The following FER variants were observed in gnomAD, a reference collection of about 807,000 sequenced individuals.
The protein encoded by FER is tyrosine-protein kinase Fer.
FER carries 63 observed loss-of-function variants against 111.0 expected under a neutral mutation model. The ratio of observed to expected loss-of-function variants is 0.57; its 90% CI spans 0.46 to 0.70. The LOEUF (loss-of-function observed/expected upper bound fraction) is 0.70, where lower values mean the gene tolerates loss of function less well. FER is among the 30% of genes least tolerant of loss of function. FER has a pLI of 0.00. For synonymous variants in FER, 327 were observed against 313.9 expected, an observed-to-expected ratio of 1.04 and a Z score of -0.44; for missense variants, 914 against 954.0, an observed-to-expected ratio of 0.96 and a Z score of 0.55.
At chr5:109,010,626 C>A (rs1561768061) in intron 13 of FER, among the ~76,000 whole-genome samples, 1 of 152,150 alleles carries the variant, frequency 6.6e-6, no homozygotes, top group African/African-American at 2.4e-5. Context: ...CACCCCACAT[C>A]TTCTCTTCCC....
At chr5:108,897,598 A>C in intron 9 of FER, 61 bp from the exon 10 acceptor site, 1 of 1,205,696 alleles carries the variant, frequency 8.3e-7, no homozygotes, top group East Asian at 2.8e-5. Flanking sequence ...ATTTACATAT[A>C]TGAGGTTTCC....
Position 108,997,683 on chromosome 5 carries a change from C to T in FER, c.1656+38336C>T, listed in dbSNP as rs375959035. On this transcript the variant is annotated intron_variant, in intron 13 of 19. Coordinates refer to ENST00000281092, the MANE Select transcript of FER (RefSeq NM_005246.4). Reference sequence around the variant, plus strand: ...GTGCTGGGAGATCCGCTGCTCTCTTCAGAGCCATCAGGCAGGGACGGTTAT... The same window carrying T: ...GTGCTGGGAGATCCGCTGCTCTCTTTAGAGCCATCAGGCAGGGACGGTTAT... Among the ~76,000 whole-genome samples the T allele has an allele frequency of 1.8e-4, 27 of 152,274 alleles. No homozygotes were observed. The South Asian group carries it at 5.6e-3, about 32-fold the overall frequency.
intron 5 of FER, among the ~76,000 whole-genome samples, chr5:108,851,417 C>T (rs982297049): frequency 6.6e-6 from 1 of 152,116 alleles, no homozygotes; most frequent in Non-Finnish European, 1.5e-5. Context: ...AGTTACCTCC[C>T]ACTGGGTCCC....
intron 17 of FER, among the ~76,000 whole-genome samples, chr5:109,165,184 A>G (rs1300221113): frequency 3.3e-5 from 5 of 152,170 alleles, no homozygotes; most frequent in African/African-American, 1.2e-4. Flanking sequence ...GAATGAATAA[A>G]TTGTTTATGG....
chr5:109,033,199 A>T (rs56083128), intron 13 of FER, among the ~76,000 whole-genome samples: 9,735 of 152,258 alleles, frequency 0.064, 407 homozygotes, highest in South Asian at 0.12. Flanking sequence ...AGAGACTAAG[A>T]GGCAGTCTGC....
chr5:109,122,988 A>G (rs1300618235), intron 17 of FER, among the ~76,000 whole-genome samples: 2 of 152,000 alleles, frequency 1.3e-5, no homozygotes, highest in African/African-American at 4.8e-5. Context: ...TGTAGGCAAT[A>G]GATCATTGGG....
chr5:108,910,436 C>G (rs1221097530), intron 10 of FER, among the ~76,000 whole-genome samples: 2 of 152,052 alleles, frequency 1.3e-5, no homozygotes, highest in Non-Finnish European at 2.9e-5. Flanking sequence ...CATAATTTCC[C>G]TATTCTTTGG....
chr5:108,811,630 G>GAT (rs200734652), intron 3 of FER, among the ~76,000 whole-genome samples: 1,756 of 151,922 alleles, frequency 0.012, 19 homozygotes, highest in Non-Finnish European at 0.017. Flanking sequence ...ACCAATAGGA[G>GAT]ATATATATAT....
chr5:109,142,894 C>T (rs1033914777), intron 17 of FER, among the ~76,000 whole-genome samples: 1 of 152,004 alleles, frequency 6.6e-6, no homozygotes, highest in African/African-American at 2.4e-5. Context: ...AGCTAGTAGA[C>T]GATACTGAGG....
At chr5:109,049,497 C>G (rs1772448830) in intron 16 of FER, among the ~76,000 whole-genome samples, 1 of 152,154 alleles carries the variant, frequency 6.6e-6, no homozygotes, top group African/African-American at 2.4e-5. Flanking sequence ...CAGCACGGGC[C>G]TGCTAAATCC....
At chr5:109,113,107 GA>G (rs1277815237) in intron 17 of FER, among the ~76,000 whole-genome samples, 50 of 152,138 alleles carry the variant, frequency 3.3e-4, no homozygotes, top group Admixed American at 3.3e-3. Flanking sequence ...CATCACTGCT[GA>G]AACTAGAACC....
At chr5:108,924,055 T>A (rs955507832) in intron 10 of FER, among the ~76,000 whole-genome samples, 1 of 147,950 alleles carries the variant, frequency 6.8e-6, no homozygotes. Context: ...ATTTTATTTA[T>A]CTAATTTAAA....
chr5:109,080,270 T>C (rs762081474), intron 16 of FER, among the ~76,000 whole-genome samples: 13 of 152,104 alleles, frequency 8.5e-5, no homozygotes, highest in Non-Finnish European at 1.9e-4. Flanking sequence ...ATGAAACAAT[T>C]TTAATTGCTT....
chr5:108,926,239 ATT>A lies in FER; in HGVS notation c.1237-19885_1237-19884del, dbSNP rs149303798. On this transcript the variant is annotated intron_variant, in intron 10 of 19. Coordinates refer to ENST00000281092, the MANE Select transcript of FER (RefSeq NM_005246.4). ...ATCCTTCTTTAATATTTTTCTATGTATTTTTTTATACATACCATCGTTGTCTT... is the reference window on the plus strand; with the variant it reads ...ATCCTTCTTTAATATTTTTCTATGTATTTTTATACATACCATCGTTGTCTT... Among the ~76,000 whole-genome samples, 928 of 150,192 alleles carry A rather than the reference ATT, an allele frequency of 6.2e-3. 9 individuals are homozygous for A. The highest frequency in any genetic ancestry group is 0.022 in the African/African-American group (905 of 40,806).
intron 16 of FER, among the ~76,000 whole-genome samples, chr5:109,072,570 G>A (rs1021781544): frequency 2.0e-5 from 3 of 151,854 alleles, no homozygotes; most frequent in Non-Finnish European, 4.4e-5. Flanking sequence ...CAGTGATGTC[G>A]TGTTTCCCTT....
rs141419400 is a variant in FER, at chr5:109,122,561, G to A, written c.2048+22042G>A. The stretch of plus-strand genomic sequence containing the variant: ...CATGTTCTGCAGCCTTTGGTGAAAC[G>A]TTCTGTAAATATCTATTAGGTCCAA... On this transcript the variant is annotated intron_variant, in intron 17 of 19. Transcript: ENST00000281092. Among the ~76,000 whole-genome samples the A allele has an allele frequency of 7.8e-3, 1,176 of 151,034 alleles. 10 individuals carry two copies. Among genetic ancestry groups the A allele is most frequent in the African/African-American group, 0.028 (1,141 of 41,238 alleles).
rs144463155 is a variant in FER, at chr5:109,000,233, C to T, written c.1657-37189C>T. Among the ~76,000 whole-genome samples, 9 of 151,080 alleles carry T rather than the reference C, an allele frequency of 6.0e-5. No individual in the cohort carries two copies. The East Asian group carries it at 1.4e-3, about 23-fold the overall frequency. ...CCATAGTTTATATTAAAATGTAAAA[C>T]GTGTTTATCAAAAAGCATCATAAAC... On this transcript the variant is annotated intron_variant, in intron 13 of 19. Transcript: ENST00000281092.
chr5:108,925,029 C>T (rs1317553485), intron 10 of FER, among the ~76,000 whole-genome samples: 1 of 151,766 alleles, frequency 6.6e-6, no homozygotes, highest in Non-Finnish European at 1.5e-5. Context: ...TCATTTGTTT[C>T]CTTAATTCAC....
At chr5:108,937,770 T>C (rs1755672751) in intron 10 of FER, among the ~76,000 whole-genome samples, 1 of 151,818 alleles carries the variant, frequency 6.6e-6, no homozygotes, top group South Asian at 2.1e-4. Flanking sequence ...ATGGAGTCTG[T>C]TGGTTTCCTA....
Sources: allele counts gnomAD v4.1 joint callset (sites outside exome capture counted in the v4.1 genomes callset), GRCh38; gene constraint gnomAD v4.1.1; transcripts MANE v1.5; gene names NCBI Gene and HGNC (gene_info 2026-07-23, HGNC 2026-07-21).